Variants in GHR observed in about 807,000 individuals in gnomAD.
The protein encoded by GHR is growth hormone receptor.
GHR carries 35 observed loss-of-function variants against 67.1 expected under a neutral mutation model. The ratio of observed to expected loss-of-function variants is 0.52; its 90% confidence interval spans 0.40 to 0.69. The LOEUF is 0.69. GHR is among the 30% of genes least tolerant of loss of function. The pLI, the probability that GHR is intolerant of heterozygous loss-of-function variation, is 0.00. For synonymous variants in GHR, 272 were observed against 269.1 expected (o/e 1.01, Z -0.10); for missense variants, 792 against 764.6 (o/e 1.04, Z -0.42).
At chr5:42,588,972 T>G (rs760481147) in intron 2 of GHR, among the ~76,000 whole-genome samples, 5 of 152,206 alleles carry the variant, frequency 3.3e-5, no homozygotes, top group African/African-American at 4.8e-5. Flanking sequence ...TCACCGAAAT[T>G]GAAAAACATT....
At chr5:42,700,371 G>A (rs1334895136) in intron 6 of GHR, among the ~76,000 whole-genome samples, 1 of 152,132 alleles carries the variant, frequency 6.6e-6, no homozygotes, top group Non-Finnish European at 1.5e-5. Flanking sequence ...ATTTTCCCAT[G>A]ATTTCAGTTG....
At chr5:42,672,411 A>G (rs1268297213) in intron 3 of GHR, among the ~76,000 whole-genome samples, 3 of 152,220 alleles carry the variant, frequency 2.0e-5, no homozygotes, top group African/African-American at 4.8e-5. Flanking sequence ...CAAAAGAAAT[A>G]AAGTACAACT....
chr5:42,700,586 A>G lies in GHR; in HGVS notation c.618+584A>G, dbSNP rs909122710. The stretch of plus-strand genomic sequence containing the variant: ...CTCTCTTCCTTACCAAGCATATGGA[A>G]CTCAGCATTTTGATAAATTTCACAT... On this transcript the variant is annotated intron_variant, in intron 6 of 9. Coordinates refer to ENST00000230882, the MANE Select transcript of GHR (RefSeq NM_000163.5). Among the ~76,000 whole-genome samples the G allele has an allele frequency of 5.3e-5, 8 of 152,306 alleles. 1 individual carries two copies. In the South Asian group the frequency reaches 6.2e-4, roughly 12 times the overall value.
intron 3 of GHR, among the ~76,000 whole-genome samples, chr5:42,679,057 C>T (rs1756710795): frequency 7.1e-6 from 1 of 141,720 alleles, no homozygotes; most frequent in Admixed American, 7.2e-5. Context: ...AATATGTAAA[C>T]AATATATTAA....
chr5:42,467,151 G>A, intron 1 of GHR: 1 of 1,600,192 alleles, frequency 6.2e-7, no homozygotes, highest in South Asian at 1.1e-5. Flanking sequence ...GATCTCCACT[G>A]TGAATTCTCT....
intron 2 of GHR, among the ~76,000 whole-genome samples, chr5:42,611,232 G>A (rs1752874135): frequency 6.6e-6 from 1 of 152,082 alleles, no homozygotes; most frequent in South Asian, 2.1e-4. Flanking sequence ...ACTGGCTCAT[G>A]AGTGTAATGT....
intron 2 of GHR, among the ~76,000 whole-genome samples, chr5:42,578,300 G>T (rs558503064): frequency 1.3e-5 from 2 of 152,168 alleles, no homozygotes; most frequent in African/African-American, 4.8e-5. Flanking sequence ...CAGGATTGTT[G>T]TGGGGATCAA....
intron 3 of GHR, 124 bp from the exon 4 acceptor site, chr5:42,688,766 T>G: frequency 1.1e-6 from 1 of 919,976 alleles, no homozygotes; most frequent in South Asian, 1.3e-5. Context: ...CGGCATTACC[T>G]CCTAGACACG....
At chr5:42,642,540 T>C (rs1465830025) in intron 3 of GHR, among the ~76,000 whole-genome samples, 1 of 152,128 alleles carries the variant, frequency 6.6e-6, no homozygotes, top group African/African-American at 2.4e-5. Flanking sequence ...CTGAAACCAC[T>C]ATCCTGAAGT....
intron 7 of GHR, among the ~76,000 whole-genome samples, chr5:42,712,222 A>G (rs75345822): frequency 0.018 from 2,760 of 152,224 alleles, 148 homozygotes; most frequent in South Asian, 0.18. Flanking sequence ...ATCTCATGAT[A>G]CTAAATAGCA....
chr5:42,570,895 TTGA>T (rs1309337032), intron 2 of GHR, among the ~76,000 whole-genome samples: 2 of 152,114 alleles, frequency 1.3e-5, no homozygotes, highest in African/African-American at 4.8e-5. Flanking sequence ...GAGGAGGAAG[TTGA>T]TGACAATAGG....
chr5:42,460,243 T>A (rs1477162810), intron 1 of GHR, among the ~76,000 whole-genome samples: 16 of 152,304 alleles, frequency 1.1e-4, no homozygotes, highest in African/African-American at 3.6e-4. Flanking sequence ...TGAGAAATAA[T>A]TTTTTGTTGT....
At chr5:42,586,503 T>C (rs1751484073) in intron 2 of GHR, among the ~76,000 whole-genome samples, 1 of 152,216 alleles carries the variant, frequency 6.6e-6, no homozygotes, top group Non-Finnish European at 1.5e-5. Context: ...GATAGGACAG[T>C]TGGATTTAGG....
At chr5:42,645,304 T>C (rs540172679) in intron 3 of GHR, among the ~76,000 whole-genome samples, 14 of 152,230 alleles carry the variant, frequency 9.2e-5, no homozygotes, top group Non-Finnish European at 1.9e-4. Context: ...CACAGCTCTG[T>C]TGATGTGAGC....
intron 1 of GHR, among the ~76,000 whole-genome samples, chr5:42,524,797 C>T (rs1037081680): frequency 2.0e-5 from 3 of 152,188 alleles, no homozygotes; most frequent in Non-Finnish European, 4.4e-5. Flanking sequence ...CCCACCTGCT[C>T]CAGCTGTGGC....
chr5:42,468,542 A>G, intron 1 of GHR: 3 of 826,714 alleles, frequency 3.6e-6, no homozygotes, highest in Middle Eastern at 3.8e-4. Flanking sequence ...CACGAGAACA[A>G]TGACCCTTAT....
At chr5:42,477,896 C>G (rs1453090123) in intron 1 of GHR, among the ~76,000 whole-genome samples, 1 of 152,148 alleles carries the variant, frequency 6.6e-6, no homozygotes, top group Non-Finnish European at 1.5e-5. Flanking sequence ...AATTAGATCC[C>G]ATTTGTCAAT....
At chr5:42,551,296 T>TA (rs1020577541) in intron 1 of GHR, among the ~76,000 whole-genome samples, 36 of 151,374 alleles carry the variant, frequency 2.4e-4, no homozygotes, top group African/African-American at 5.8e-4. Flanking sequence ...TAGTAAAGGT[T>TA]AAAAAAAAAC....
chr5:42,505,120 C>G (rs1746706021), intron 1 of GHR, among the ~76,000 whole-genome samples: 1 of 112,768 alleles, frequency 8.9e-6, no homozygotes, highest in African/African-American at 3.3e-5. Context: ...GAGCTGTTGA[C>G]TGTTTTTTTT....
Sources: allele counts gnomAD v4.1 joint callset (sites outside exome capture counted in the v4.1 genomes callset), GRCh38; gene constraint gnomAD v4.1.1; transcripts MANE v1.5; gene names NCBI Gene and HGNC (gene_info 2026-07-23, HGNC 2026-07-21).